The following ECE1 variants were observed in gnomAD, a reference collection of about 807,000 sequenced individuals.
ECE1 encodes endothelin-converting enzyme 1.
In ECE1, 35 loss-of-function variants were observed where a neutral mutation model predicts 98.6. That is an observed-to-expected ratio of 0.35 (90% CI 0.27 to 0.47). The LOEUF is 0.47. Ranked by LOEUF, ECE1 falls within the 20% of genes least tolerant of loss-of-function variation. The pLI, the probability that ECE1 is intolerant of heterozygous loss-of-function variation, is 1.00. For missense variants in ECE1, 814 were observed against 1,025.3 expected, an observed-to-expected ratio of 0.79 and a Z score of 2.81; for synonymous variants, 394 against 407.1, an observed-to-expected ratio of 0.97 and a Z score of 0.39.
rs2098184311 is a variant in ECE1, at chr1:21,233,519, G to A, written c.1670+39C>T. 1 of 1,591,978 alleles carries A rather than the reference G, an allele frequency of 6.3e-7. No homozygotes were observed. Among genetic ancestry groups the A allele is most frequent in the African/African-American group, 1.3e-5 (1 of 74,432 alleles). ...CGTCCCAAGGCTTGCCCACAGGTGG[G>A]GAGCTGGCACCTTGCCGGCAGGGCC... On this transcript the variant is annotated intron_variant, in intron 14 of 18. Coordinates refer to ENST00000374893, the MANE Select transcript of ECE1 (RefSeq NM_001397.3). This position sits in a 1 kb window ranked among gnomAD's most constrained non-coding sequence, Gnocchi z 4.0.
At position 21,322,767 on chromosome 1, in the gene ECE1, T is replaced by C. The variant is rs1468594200; in HGVS notation, c.3+22609A>G. On this transcript the variant is annotated intron_variant, in intron 1 of 18. Coordinates refer to the ECE1 transcript ENST00000415912. This position sits in a 1 kb window ranked among gnomAD's most constrained non-coding sequence, Gnocchi z 4.1. Reference sequence around the variant, plus strand: ...TGTCAGGAAGGACAAGAGGTTCTGATCTAGCACTCTGCTGAGAGAAAGAAA... The same window carrying C: ...TGTCAGGAAGGACAAGAGGTTCTGACCTAGCACTCTGCTGAGAGAAAGAAA... 6.6e-6 allele frequency among the ~76,000 whole-genome samples: 1 copy of C among 152,142 alleles called. No homozygotes were observed.
At chr1:21,297,854 A>G (rs1015833022) in intron 1 of ECE1, among the ~76,000 whole-genome samples, 3 of 138,212 alleles carry the variant, frequency 2.2e-5, no homozygotes, top group African/African-American at 8.2e-5. Context: ...TTTTTTTTTT[A>G]AGAGACTAGG....
chr1:21,277,017 C>G (rs999767082), intron 3 of ECE1, among the ~76,000 whole-genome samples: 33 of 152,162 alleles, frequency 2.2e-4, no homozygotes, highest in African/African-American at 7.5e-4. Flanking sequence ...TGCGCCCGGC[C>G]AGATTTGCTT....
At chr1:21,326,529 G>C (rs1044462395) in intron 1 of ECE1, among the ~76,000 whole-genome samples, 26 of 151,988 alleles carry the variant, frequency 1.7e-4, no homozygotes, top group Non-Finnish European at 3.2e-4. Context: ...AAAAAGGGGG[G>C]CCTGAACCCC....
upstream of ECE1, among the ~76,000 whole-genome samples, chr1:21,292,704 G>A (rs1250690482): frequency 6.6e-6 from 1 of 152,226 alleles, no homozygotes; most frequent in African/African-American, 2.4e-5. Flanking sequence ...TCAAAGGGGG[G>A]ACAAGTAGAG....
At chr1:21,239,353 C>T (rs764801840) in intron 10 of ECE1, among the ~76,000 whole-genome samples, 1 of 152,224 alleles carries the variant, frequency 6.6e-6, no homozygotes, top group Non-Finnish European at 1.5e-5. Context: ...GCCCTGCTCA[C>T]ATAAATCCCT....
At chr1:21,336,395 AC>A (rs1227876527) in intron 1 of ECE1, among the ~76,000 whole-genome samples, 1 of 151,764 alleles carries the variant, frequency 6.6e-6, no homozygotes, top group African/African-American at 2.4e-5. Context: ...AACCAAAACA[AC>A]AAAAAACATT....
intron 1 of ECE1, among the ~76,000 whole-genome samples, chr1:21,309,681 T>C (rs1435396700): frequency 4.6e-5 from 7 of 152,248 alleles, no homozygotes; most frequent in Non-Finnish European, 8.8e-5. Context: ...CTTCAACACA[T>C]GCTTCAAATG....
At chr1:21,318,169 A>G (rs1206643855) in intron 1 of ECE1, among the ~76,000 whole-genome samples, 1 of 152,160 alleles carries the variant, frequency 6.6e-6, no homozygotes, top group Admixed American at 6.5e-5. Context: ...GGGGGAGAGC[A>G]GTGGGCAAGA....
Position 21,218,029 on chromosome 1 carries a change from G to A in ECE1, c.*1926C>T, listed in dbSNP as rs899384906. 1.3e-5 allele frequency: 2 copies of A among 152,442 alleles called. No homozygotes were observed. The highest frequency in any genetic ancestry group is 1.5e-5 in the Non-Finnish European group (1 of 68,258). 9.4% of individuals were successfully genotyped at this position (152,442 alleles called of 1,614,324 possible). A position where few individuals can be genotyped will look rare whatever the true frequency, so the allele number is the denominator to read the frequency against. On this transcript the variant is annotated 3_prime_UTR_variant, in exon 19 of 19. Coordinates refer to ENST00000374893, the MANE Select transcript of ECE1 (RefSeq NM_001397.3). The surrounding 1 kb of genome is among the most constrained non-coding windows in gnomAD (Gnocchi z 4.0). ...GAGGGCACGTGCTGCCCCCACCTCC[G>A]TCTCGGGGCCTGGCTTCCCCACTGG...
chr1:21,272,404 G>A (rs1484244217), intron 4 of ECE1, among the ~76,000 whole-genome samples: 1 of 152,198 alleles, frequency 6.6e-6, no homozygotes, highest in African/African-American at 2.4e-5. Flanking sequence ...CGATTCTCCT[G>A]CCTCAGCCTC....
intron 1 of ECE1, among the ~76,000 whole-genome samples, chr1:21,296,552 TAAAAC>T (rs898630115): frequency 7.2e-4 from 109 of 152,096 alleles, no homozygotes; most frequent in Middle Eastern, 3.4e-3. Context: ...TAAAATAAAG[TAAAAC>T]AAAACAAAAC....
intron 8 of ECE1, among the ~76,000 whole-genome samples, chr1:21,252,778 AAC>A (rs1371519916): frequency 3.3e-5 from 5 of 152,242 alleles, no homozygotes; most frequent in African/African-American, 4.8e-5. Flanking sequence ...GACACCAGGG[AAC>A]AAGACATTCT....
chr1:21,280,417 G>A (rs570732280), intron 2 of ECE1, among the ~76,000 whole-genome samples: 37 of 152,296 alleles, frequency 2.4e-4, no homozygotes, highest in African/African-American at 8.7e-4. Flanking sequence ...CCTGGAACGG[G>A]TGATGTCTGG....
At chr1:21,321,508 G>C (rs955772951) in intron 1 of ECE1, among the ~76,000 whole-genome samples, 4 of 152,204 alleles carry the variant, frequency 2.6e-5, no homozygotes, top group African/African-American at 9.6e-5. Flanking sequence ...GCCTTCACAA[G>C]TAATCAATAT....
At chr1:21,283,463 G>A (rs1329984421) in intron 2 of ECE1, among the ~76,000 whole-genome samples, 2 of 152,094 alleles carry the variant, frequency 1.3e-5, no homozygotes, top group African/African-American at 4.8e-5. Flanking sequence ...TAGAGACAGG[G>A]TTTCACCATG....
intron 2 of ECE1, among the ~76,000 whole-genome samples, chr1:21,282,229 G>A (rs2098255428): frequency 6.6e-6 from 1 of 152,150 alleles, no homozygotes; most frequent in South Asian, 2.1e-4. Flanking sequence ...GGTCGAGGCT[G>A]CAGTAAGCCA....
At chr1:21,330,226 CTTTTTTTTTTTT>C (rs71014186) in intron 1 of ECE1, among the ~76,000 whole-genome samples, 3 of 43,404 alleles carry the variant, frequency 6.9e-5, no homozygotes, top group African/African-American at 1.6e-4. Flanking sequence ...TCGCCAAATA[CTTTTTTTTTTTT>C]TTTTTTTTTT....
At chr1:21,270,861 G>A (rs1179780695) in intron 4 of ECE1, among the ~76,000 whole-genome samples, 1 of 152,172 alleles carries the variant, frequency 6.6e-6, no homozygotes, top group African/African-American at 2.4e-5. Context: ...TCGAACCCAG[G>A]TCCTGGTGAG....
Sources: gnomAD v4.1 joint callset for allele counts (sites outside exome capture counted in the v4.1 genomes callset) on GRCh38, gnomAD v4.1.1 for gene constraint, Gnocchi (gnomAD v3.1) non-coding constraint, MANE v1.5 for transcripts, NCBI Gene and HGNC (gene_info 2026-07-23, HGNC 2026-07-21) for gene names.